SDK1: variants seen among roughly 807,000 people sequenced by gnomAD.
SDK1 encodes the protein protein sidekick-1.
SDK1 carries 157 observed loss-of-function variants against 245.5 expected under a neutral mutation model. The observed-to-expected ratio is 0.64, with a 90% CI of 0.56 to 0.73. The LOEUF is 0.73. SDK1 is among the 30% of genes least tolerant of loss of function. The pLI, the probability that SDK1 is intolerant of heterozygous loss-of-function variation, is 0.00. For synonymous variants in SDK1, 1,647 were observed against 1,278.5 expected (o/e 1.29, Z -6.15); for missense variants, 3,583 against 3,002.3 (o/e 1.19, Z -4.52).
Position 3,883,986 on chromosome 7 carries a change from C to T in SDK1, c.847+62403C>T, listed in dbSNP as rs536090931. On this transcript the variant is annotated intron_variant, in intron 5 of 44. Coordinates refer to ENST00000404826, the MANE Select transcript of SDK1 (RefSeq NM_152744.4). ...TTGCCAGAGGATGAAAGTCCAAAGT[C>T]CAACCCCCTTAGGAAGATATTTAAA... Among the ~76,000 whole-genome samples the T allele has an allele frequency of 2.0e-5, 3 of 152,280 alleles. No homozygotes were observed. The East Asian group carries it at 5.8e-4, about 29-fold the overall frequency.
intron 32 of SDK1, among the ~76,000 whole-genome samples, chr7:4,172,855 A>G (rs1196231247): frequency 3.3e-5 from 5 of 151,878 alleles, no homozygotes; most frequent in Admixed American, 1.3e-4. Context: ...CCTGTGTCCA[A>G]ACTTCCCTCT....
chr7:3,698,452 C>T (rs1173312526), intron 4 of SDK1, among the ~76,000 whole-genome samples: 1 of 152,092 alleles, frequency 6.6e-6, no homozygotes, highest in East Asian at 1.9e-4. Context: ...TCAGAAGAGG[C>T]CTAGTGGAGA....
intron 44 of SDK1, among the ~76,000 whole-genome samples, chr7:4,260,385 T>C (rs1452031718): frequency 7.1e-6 from 1 of 139,922 alleles, no homozygotes; most frequent in East Asian, 2.2e-4. Flanking sequence ...ATGGAGAAGC[T>C]GGCTGCTCCG....
intron 26 of SDK1, 183 bp from the exon 27 acceptor site, chr7:4,129,725 A>G: frequency 7.0e-7 from 1 of 1,423,084 alleles, no homozygotes; most frequent in Non-Finnish European, 9.2e-7. Flanking sequence ...GTCACTTTAC[A>G]ACCACCTTCC....
intron 5 of SDK1, among the ~76,000 whole-genome samples, chr7:3,847,945 T>C (rs1462529289): frequency 2.6e-5 from 4 of 152,100 alleles, no homozygotes; most frequent in African/African-American, 9.7e-5. Context: ...TAATGTTCTT[T>C]TATGCTTGAA....
chr7:4,086,218 G>A (rs376184246), intron 22 of SDK1, among the ~76,000 whole-genome samples: 43 of 152,226 alleles, frequency 2.8e-4, no homozygotes, highest in African/African-American at 9.6e-4. Context: ...AGGTCTGCCC[G>A]GTGTGCATGA....
chr7:4,025,980 C>T (rs190768989), intron 17 of SDK1, among the ~76,000 whole-genome samples: 141 of 152,330 alleles, frequency 9.3e-4, no homozygotes, highest in Non-Finnish European at 1.2e-3. Context: ...TCCCCCTCCC[C>T]TGCTGGAAAT....
intron 4 of SDK1, among the ~76,000 whole-genome samples, chr7:3,746,858 T>C (rs949357145): frequency 6.6e-6 from 1 of 152,210 alleles, no homozygotes; most frequent in African/African-American, 2.4e-5. Flanking sequence ...AATGTTGATA[T>C]TTTGACCTCC....
At chr7:4,161,088 C>A in intron 31 of SDK1, among the ~76,000 whole-genome samples, 1 of 152,076 alleles carries the variant, frequency 6.6e-6, no homozygotes, top group Non-Finnish European at 1.5e-5. Context: ...GCTCAATATG[C>A]CAAGACAGGA....
intron 1 of SDK1, among the ~76,000 whole-genome samples, chr7:3,439,934 CT>C (rs34797375): frequency 0.38 from 58,065 of 151,662 alleles, 12,449 homozygotes; most frequent in Admixed American, 0.49. Context: ...CTGTGCTGGA[CT>C]TTTTTTTTAA....
At chr7:3,918,554 A>T (rs1779469235) in intron 5 of SDK1, among the ~76,000 whole-genome samples, 3 of 152,222 alleles carry the variant, frequency 2.0e-5, no homozygotes, top group Admixed American at 6.5e-5. Context: ...ATTCTACGTG[A>T]TGGTGAGTTG....
At chr7:4,095,706 G>A (rs1012364918) in intron 22 of SDK1, among the ~76,000 whole-genome samples, 7 of 152,154 alleles carry the variant, frequency 4.6e-5, no homozygotes, top group East Asian at 1.9e-4. Flanking sequence ...CCAAGTAGCT[G>A]GGATTGCAGG....
chr7:3,562,889 G>GAAGCAAATACTTAAATATGAAGAA, intron 1 of SDK1, among the ~76,000 whole-genome samples: 1 of 28,530 alleles, frequency 3.5e-5, no homozygotes, highest in Non-Finnish European at 6.3e-5. Flanking sequence ...AATATGAAGG[G>GAAGCAAATACTTAAATATGAAGAA]AAGCAAATAC....
intron 5 of SDK1, among the ~76,000 whole-genome samples, chr7:3,938,393 A>G (rs1780234385): frequency 6.6e-6 from 1 of 152,124 alleles, no homozygotes; most frequent in Non-Finnish European, 1.5e-5. Context: ...CTGTAATCCC[A>G]GCACTTTGGG....
At position 3,951,154 on chromosome 7, in the gene SDK1, G is replaced by C. The variant is rs946495352; in HGVS notation, c.959+120G>C. The stretch of plus-strand genomic sequence containing the variant: ...CTTCTAGCGACAGTGGTCTTGTTTG[G>C]CCGGGTGGGCCATGAATACGAGATA... On this transcript the variant is annotated intron_variant, in intron 6 of 44. Coordinates refer to ENST00000404826, the MANE Select transcript of SDK1 (RefSeq NM_152744.4). 372 of 730,346 alleles carry C rather than the reference G, an allele frequency of 5.1e-4. 3 individuals are homozygous for C. Among genetic ancestry groups the C allele is most frequent in the Non-Finnish European group, 7.6e-5 (32 of 418,984 alleles). 45.2% of individuals were successfully genotyped at this position (730,346 alleles called of 1,614,324 possible). A position where few individuals can be genotyped will look rare whatever the true frequency, so the allele number is the denominator to read the frequency against.
intron 4 of SDK1, among the ~76,000 whole-genome samples, chr7:3,818,098 A>G (rs1013081477): frequency 1.3e-5 from 2 of 152,204 alleles, no homozygotes; most frequent in African/African-American, 4.8e-5. Context: ...TCTTCTCTTT[A>G]CTACTATCCC....
At chr7:3,360,637 C>A (rs966140775) in intron 1 of SDK1, among the ~76,000 whole-genome samples, 4 of 152,144 alleles carry the variant, frequency 2.6e-5, no homozygotes, top group Non-Finnish European at 5.9e-5. Flanking sequence ...GACAAGCTGG[C>A]GTTGGATTGC....
At chr7:4,058,022 A>G (rs1237799480) in intron 19 of SDK1, among the ~76,000 whole-genome samples, 3 of 152,236 alleles carry the variant, frequency 2.0e-5, no homozygotes, top group Non-Finnish European at 4.4e-5. Flanking sequence ...TAACACTTCC[A>G]AAGGAACATG....
At chr7:3,937,919 C>T (rs1317805898) in intron 5 of SDK1, among the ~76,000 whole-genome samples, 1 of 152,080 alleles carries the variant, frequency 6.6e-6, no homozygotes, top group East Asian at 1.9e-4. Context: ...CTCACTGCAA[C>T]CTCCGCCTCC....
Sources: gnomAD v4.1 joint callset for allele counts (sites outside exome capture counted in the v4.1 genomes callset) on GRCh38, gnomAD v4.1.1 for gene constraint, MANE v1.5 for transcripts, NCBI Gene and HGNC (gene_info 2026-07-23, HGNC 2026-07-21) for gene names.